The following CDK16 variants were observed in gnomAD, a reference collection of about 807,000 sequenced individuals.
CDK16 encodes the protein cyclin dependent kinase 16, also known as cyclin-dependent kinase 16.
In CDK16, 2 loss-of-function variants were observed where a neutral mutation model predicts 41.6. The observed-to-expected ratio is 0.05, with a 90% CI of 0.02 to 0.15. The LOEUF (loss-of-function observed/expected upper bound fraction) is 0.15. CDK16 is among the 10% of genes least tolerant of loss of function. The pLI, the probability that CDK16 is intolerant of heterozygous loss-of-function variation, is 1.00. For synonymous variants in CDK16, 169 were observed against 169.7 expected (o/e 1.00, Z 0.03); for missense variants, 228 against 428.9 (o/e 0.53, Z 4.14).
intron 1 of CDK16, chrX:47,222,952 TCCCCTC>T: frequency 1.5e-6 from 1 of 655,440 alleles, no homozygotes; most frequent in South Asian, 3.3e-5. Flanking sequence ...TGACACACGC[TCCCCTC>T]CCCCCCCCCA....
chrX:47,223,820 C>T, intron 2 of CDK16, 61 bp downstream of exon 2: 1 of 1,011,113 alleles, frequency 9.9e-7, no homozygotes, highest in South Asian at 2.0e-5. Context: ...GGTGTTGCCT[C>T]CTGGTCACAT....
intron 1 of CDK16, among the ~76,000 whole-genome samples, chrX:47,221,148 C>T (rs1407828872): frequency 1.8e-5 from 2 of 110,705 alleles, no homozygotes; most frequent in Non-Finnish European, 3.8e-5. Flanking sequence ...ACATAGGGTG[C>T]GATGACCAAG....
At position 47,225,760 on chromosome X, in the gene CDK16, T is replaced by C. The variant is rs1258129748; in HGVS notation, c.635-12T>C. ...TGACTCTTCCCCTGTCCCACTCCCA[T>C]GCTTCCTGCAGTGTCCCTGCTCAAG... On this transcript the variant is annotated splice_polypyrimidine_tract_variant and intron_variant, in intron 6 of 15. Transcript: ENST00000357227. The C allele has an allele frequency of 1.7e-6, 2 of 1,183,939 alleles. No homozygotes were observed. Among genetic ancestry groups the C allele is most frequent in the Non-Finnish European group, 2.3e-6 (2 of 870,172 alleles).
intron 2 of CDK16, among the ~76,000 whole-genome samples, chrX:47,224,050 C>A (rs913533608): frequency 1.8e-5 from 2 of 111,589 alleles, no homozygotes; most frequent in Non-Finnish European, 3.8e-5. Flanking sequence ...TGATGGCCTC[C>A]TCAGTCCTCT....
At chrX:47,226,959 G>A in intron 11 of CDK16, 35 bp from the exon 12 acceptor site, 1 of 1,206,204 alleles carries the variant, frequency 8.3e-7, no homozygotes. Flanking sequence ...GGGAGGACCT[G>A]TGAAATGTTT....
chrX:47,224,785 C>T lies in CDK16; in HGVS notation c.462+42C>T, dbSNP rs772533405. ...CCCGTCCTCTCCTTTTTCTTCTCTC[C>T]CAGACCCTTCTCCTGAGCCAGCTTT... On this transcript the variant is annotated intron_variant, in intron 4 of 15. Coordinates refer to ENST00000357227, the MANE Select transcript of CDK16 (RefSeq NM_006201.5). The T allele has an allele frequency of 3.2e-5, 39 of 1,209,312 alleles. No homozygotes were observed. In the African/African-American group the frequency reaches 5.4e-4, roughly 17 times the overall value.
In CDK16 at chrX:47,223,329, A is replaced by G. The variant is rs937631462; in HGVS notation, c.-6-223A>G. 5 of 1,147,864 alleles carry G rather than the reference A, an allele frequency of 4.4e-6. No homozygotes were observed. In the African/African-American group the frequency reaches 9.0e-5, roughly 21 times the overall value. 94.6% of individuals were successfully genotyped at this position (1,147,864 alleles called of 1,213,427 possible). A position where few individuals can be genotyped will look rare whatever the true frequency, so the allele number is the denominator to read the frequency against. On this transcript the variant is annotated intron_variant, in intron 1 of 15. Coordinates refer to ENST00000357227, the MANE Select transcript of CDK16 (RefSeq NM_006201.5). ...GAACTCAGGTGGGCTACGTAGGAGC[A>G]GGGTCCCAGTGGGGCTGGCTGTGTG...
intron 2 of CDK16, among the ~76,000 whole-genome samples, chrX:47,224,080 C>T (rs1937468155): frequency 9.0e-6 from 1 of 111,441 alleles, no homozygotes; most frequent in Non-Finnish European, 1.9e-5. Flanking sequence ...CTGCCCTGGG[C>T]CTGCCTTCCC....
intron 1 of CDK16, among the ~76,000 whole-genome samples, chrX:47,222,660 T>TG (rs1937383126): frequency 4.1e-4 from 2 of 4,875 alleles, no homozygotes; most frequent in Non-Finnish European, 3.7e-4. Context: ...CGGGGGGGTG[T>TG]GGGGGTGGGG....
chrX:47,219,001 G>A lies in CDK16; in HGVS notation c.-111G>A. 1 of 885,491 alleles carries A rather than the reference G, an allele frequency of 1.1e-6. No individual in the cohort carries two copies. The highest frequency in any genetic ancestry group is 1.4e-6 in the Non-Finnish European group (1 of 723,874). 73.0% of individuals were successfully genotyped at this position (885,491 alleles called of 1,213,427 possible). On this transcript the variant is annotated 5_prime_UTR_variant, in exon 1 of 16. Transcript: ENST00000357227. ...GAAGACTACTGGGACGGGCGCCTGC[G>A]GCGAACAGGAGGAGAAGGAGGTCGC...
At position 47,228,490 on chromosome X, in the gene CDK16, TC is replaced by T. The variant is rs1464682197; in HGVS notation, c.1376-74del. 7.1e-6 allele frequency: 6 copies of T among 839,712 alleles called. No individual in the cohort carries two copies. In the East Asian group the frequency reaches 1.6e-4, roughly 22 times the overall value. The allele number at this position is 839,712 out of a possible 1,213,427, so 69.2% of individuals were successfully genotyped here. A position where few individuals can be genotyped will look rare whatever the true frequency, so the allele number is the denominator to read the frequency against. ...AGAAGGGGCAGCTTTTTCTAATTCT[TC>T]CCATGGGGTCATATGGGGCTGGTCC... On this transcript the variant is annotated intron_variant, in intron 14 of 15. Coordinates refer to ENST00000357227, the MANE Select transcript of CDK16 (RefSeq NM_006201.5).
Position 47,223,643 on chromosome X carries a change from A to G in CDK16, c.86A>G (p.Glu29Gly). The G allele has an allele frequency of 4.1e-6, 5 of 1,211,405 alleles. No individual in the cohort carries two copies. Among genetic ancestry groups the G allele is most frequent in the Non-Finnish European group, 5.6e-6 (5 of 895,248 alleles). ...RGIDKTNGAP[E>G]QIGLDESGGG... ...ATAGACAAGACCAATGGTGCCCCTG[A>G]GCAGATAGGCCTGGATGAGAGTGGT... Residue 29 changes from glutamate (E) to glycine (G), a missense_variant, in exon 2 of 16, where the codon GAG (glutamate) becomes GGG (glycine). Physicochemically the swap from Glu to Gly is moderately conservative, Grantham distance 98. Coordinates refer to ENST00000357227, the MANE Select transcript of CDK16 (RefSeq NM_006201.5).
At chrX:47,225,891 CA>C (rs1569227511) in intron 7 of CDK16, 25 bp downstream of exon 7, 1 of 1,194,014 alleles carries the variant, frequency 8.4e-7, no homozygotes, top group Admixed American at 2.2e-5. Context: ...CAGTAGGTCC[CA>C]GGGGGAGGTG....
intron 1 of CDK16, 33 bp downstream of exon 1, chrX:47,219,138 C>T (rs1412946277): frequency 1.3e-6 from 1 of 797,357 alleles, no homozygotes; most frequent in Non-Finnish European, 1.5e-6. Flanking sequence ...GAGGCTGCCC[C>T]TCCTCCTTCA....
At position 47,218,725 on chromosome X, in the gene CDK16, G is replaced by A. The variant is rs782645257; in HGVS notation, c.-387G>A. On this transcript the variant is annotated 5_prime_UTR_variant, in exon 1 of 16. Coordinates refer to ENST00000357227, the MANE Select transcript of CDK16 (RefSeq NM_006201.5). ...GCCTGCGTGCGCATGCGCGGAGCGC[G>A]GCGCGCGCGGCGGTTGGGCCGTTGG... is the stretch of plus-strand genomic sequence containing the variant. 4 of 1,159,375 alleles carry A rather than the reference G, an allele frequency of 3.5e-6. No homozygotes were observed. Among genetic ancestry groups the A allele is most frequent in the Admixed American group, 2.7e-5 (1 of 37,621 alleles).
In CDK16 at chrX:47,224,653, C is replaced by T; in HGVS notation, c.372C>T (p.Ile124=). 2 of 1,211,664 alleles carry T rather than the reference C, an allele frequency of 1.7e-6. No homozygotes were observed. The highest frequency in any genetic ancestry group is 2.2e-6 in the Non-Finnish European group (2 of 895,450). Residue 124 remains isoleucine, a synonymous_variant, in exon 4 of 16, where the codon ATC becomes ATT. Transcript: ENST00000357227. The part of the protein sequence containing the change: ...INKRLSLPAD[I]RLPEGYLEKL... ...AGCGCCTATCACTACCAGCTGACATCCGGCTGCCTGAGGGCTACCTGGAGA... is the reference window on the plus strand; with the variant it reads ...AGCGCCTATCACTACCAGCTGACATTCGGCTGCCTGAGGGCTACCTGGAGA...
Position 47,227,345 on chromosome X carries a change from T to C in CDK16, c.1285-34T>C, listed in dbSNP as rs187308625. ...CAGAGAGACCTACTTGTTGAAGATA[T>C]CAATACTATCCCCCTCCCCGCACCC... On this transcript the variant is annotated intron_variant, in intron 13 of 15. Transcript: ENST00000357227. 3,390 of 1,143,283 alleles carry C rather than the reference T, an allele frequency of 3.0e-3. 1 individual carries two copies. Among genetic ancestry groups the C allele is most frequent in the Non-Finnish European group, 3.8e-3 (3,165 of 838,976 alleles). 94.2% of individuals were successfully genotyped at this position (1,143,283 alleles called of 1,213,427 possible).
chrX:47,228,287 C>T, intron 14 of CDK16: 1 of 296,122 alleles, frequency 3.4e-6, no homozygotes. Context: ...ATATATAAAG[C>T]AAACCCCAAA....
intron 14 of CDK16, 38 bp from the exon 15 acceptor site, chrX:47,228,529 T>C (rs1375593645): frequency 2.0e-5 from 23 of 1,128,498 alleles, no homozygotes; most frequent in Non-Finnish European, 2.8e-5. Flanking sequence ...GATGACCTCA[T>C]GGGTCATCCC....
Sources: allele counts gnomAD v4.1 joint callset (sites outside exome capture counted in the v4.1 genomes callset), GRCh38; gene constraint gnomAD v4.1.1; transcripts MANE v1.5; gene names NCBI Gene and HGNC (gene_info 2026-07-23, HGNC 2026-07-21).